The following TMEM236 variants were observed in gnomAD, a reference collection of about 807,000 sequenced individuals.
The protein encoded by TMEM236 is transmembrane protein 236.
In TMEM236, 11 loss-of-function variants were observed where a neutral mutation model predicts 14.7. The observed-to-expected ratio is 0.75, with a 90% CI of 0.47 to 1.24. The LOEUF (loss-of-function observed/expected upper bound fraction) is 1.24. Among genes scored for constraint, TMEM236 ranks in the 50% most tolerant of loss-of-function variants. The probability of loss-of-function intolerance (pLI) is 0.00; values close to 1 mark genes in which losing one functional copy is unlikely to be tolerated. For synonymous variants in TMEM236, 182 were observed against 168.6 expected, an observed-to-expected ratio of 1.08 and a Z score of -0.62; for missense variants, 464 against 427.3, an observed-to-expected ratio of 1.09 and a Z score of -0.76.
At chr10:17,762,942 C>G (rs1373408210) in intron 1 of TMEM236, among the ~76,000 whole-genome samples, 1 of 150,560 alleles carries the variant, frequency 6.6e-6, no homozygotes, top group African/African-American at 2.4e-5. Flanking sequence ...CATGAGCCAC[C>G]ATGCCCAGCC....
Position 17,799,685 on chromosome 10 carries a change from T to G in TMEM236, c.*3181T>G, listed in dbSNP as rs887023730. 5 of 152,666 alleles carry G rather than the reference T, an allele frequency of 3.3e-5. No individual in the cohort carries two copies. Among genetic ancestry groups the G allele is most frequent in the African/African-American group, 1.2e-4 (5 of 41,452 alleles). 9.5% of individuals were successfully genotyped at this position (152,666 alleles called of 1,614,324 possible). A position where few individuals can be genotyped will look rare whatever the true frequency, so the allele number is the denominator to read the frequency against. ...GTCATCAAGGGATTCATTTATGATATTCCTAAATATGAAAATATTTTGTGT... is the reference window on the plus strand; with the variant it reads ...GTCATCAAGGGATTCATTTATGATAGTCCTAAATATGAAAATATTTTGTGT... On this transcript the variant is annotated 3_prime_UTR_variant, in exon 4 of 4. Coordinates refer to ENST00000377495, the MANE Select transcript of TMEM236 (RefSeq NM_001098844.3).
intron 3 of TMEM236, among the ~76,000 whole-genome samples, chr10:17,790,561 A>G (rs1209388027): frequency 6.6e-6 from 1 of 152,236 alleles, no homozygotes; most frequent in Non-Finnish European, 1.5e-5. Flanking sequence ...AAATGAATAA[A>G]GAAATAAATA....
intron 3 of TMEM236, among the ~76,000 whole-genome samples, chr10:17,792,556 A>G (rs1255323521): frequency 1.3e-5 from 2 of 152,212 alleles, no homozygotes; most frequent in Non-Finnish European, 2.9e-5. Flanking sequence ...TAAATAAACA[A>G]CTAAGTAAAG....
rs541911082 is a variant in TMEM236 at position 17,799,817 on chromosome 10, T to C, written c.*3313T>C. ...TTTGTATCTAATATTTTAATATGAA[T>C]GTGCCTGATATTTTCGGAAGTCACA... On this transcript the variant is annotated 3_prime_UTR_variant, in exon 4 of 4. Transcript: ENST00000377495. 5.5e-5 allele frequency: 8 copies of C among 144,648 alleles called. No homozygotes were observed. The allele number at this position is 144,648 out of a possible 1,614,324, so 9.0% of individuals were successfully genotyped here. A position where few individuals can be genotyped will look rare whatever the true frequency, so the allele number is the denominator to read the frequency against.
Position 17,752,494 on chromosome 10 carries a change from G to A in TMEM236, c.199G>A (p.Val67Ile), listed in dbSNP as rs933719953. The change falls in exon 1 of 4, where the codon GTT (valine) becomes ATT (isoleucine). Residue 67 changes from valine (V) to isoleucine (I), a missense_variant. Transcript: ENST00000377495. Reference protein sequence around the residue: ...YVALVTLLIWVPVKVILHKKR... With the variant: ...YVALVTLLIWIPVKVILHKKR... ...TGCGTTAGTGACTCTACTGATCTGG[G>A]TTCCTGTAAAAGTTATCCTGCACAA... The A allele has an allele frequency of 1.9e-6, 3 of 1,613,802 alleles. No homozygotes were observed. Among genetic ancestry groups the A allele is most frequent in the African/African-American group, 2.7e-5 (2 of 74,898 alleles).
chr10:17,795,954 T>C lies in TMEM236; in HGVS notation c.506T>C (p.Leu169Ser). Residue 169 changes from leucine to serine, a missense_variant, in exon 4 of 4, where the codon TTG (leucine) becomes TCG (serine). Physicochemically the swap from Leu to Ser is moderately radical, Grantham distance 145 (BLOSUM62 -2). Transcript: ENST00000377495. ...AATGGACACATCCATTCAACCTCTT[T>C]GCAACACATAAAAACTGTGACGGAG... is the stretch of plus-strand genomic sequence containing the variant. ...SENGHIHSTS[L>S]QHIKTVTEQV... The C allele has an allele frequency of 1.9e-6, 3 of 1,613,956 alleles. No individual in the cohort carries two copies. The highest frequency in any genetic ancestry group is 1.1e-5 in the South Asian group (1 of 91,076).
intron 3 of TMEM236, among the ~76,000 whole-genome samples, chr10:17,783,553 A>G (rs950913843): frequency 1.3e-5 from 2 of 152,142 alleles, no homozygotes; most frequent in Admixed American, 6.5e-5. Flanking sequence ...CAGAAACTTG[A>G]GTCAGTGCCT....
intron 1 of TMEM236, among the ~76,000 whole-genome samples, chr10:17,766,451 C>T (rs1261981082): frequency 6.6e-6 from 1 of 152,194 alleles, no homozygotes; most frequent in Non-Finnish European, 1.5e-5. Flanking sequence ...AATGTATCTA[C>T]TCTCTAAGAT....
intron 1 of TMEM236, among the ~76,000 whole-genome samples, chr10:17,769,826 A>G (rs1837538625): frequency 6.6e-6 from 1 of 152,148 alleles, no homozygotes; most frequent in Non-Finnish European, 1.5e-5. Context: ...CTATTATTTT[A>G]TTCTTTATAA....
rs1837293395 is a variant in TMEM236, at chr10:17,756,987, C to T, written c.257+4435C>T. ...GTGATTTCTTTTGGGAAATACACTTCCAGTCTTTAGTTTCTGTTTTGCCGG... is the reference window on the plus strand; with the variant it reads ...GTGATTTCTTTTGGGAAATACACTTTCAGTCTTTAGTTTCTGTTTTGCCGG... On this transcript the variant is annotated intron_variant, in intron 1 of 3. Coordinates refer to ENST00000377495, the MANE Select transcript of TMEM236 (RefSeq NM_001098844.3). 2.0e-5 allele frequency among the ~76,000 whole-genome samples: 3 copies of T among 152,302 alleles called. No individual in the cohort carries two copies. In the South Asian group the frequency reaches 6.2e-4, roughly 32 times the overall value.
intron 2 of TMEM236, 126 bp downstream of exon 2, chr10:17,771,507 G>C: frequency 1.1e-6 from 1 of 921,122 alleles, no homozygotes; most frequent in South Asian, 1.4e-5. Flanking sequence ...CTTCTTCCAG[G>C]TTGCAATATA....
At chr10:17,759,721 C>A (rs1837328453) in intron 1 of TMEM236, among the ~76,000 whole-genome samples, 1 of 152,038 alleles carries the variant, frequency 6.6e-6, no homozygotes, top group Non-Finnish European at 1.5e-5. Context: ...GAGATTGAGG[C>A]ACAGGAGTTA....
chr10:17,776,577 TGTGTC>T (rs1837661261), intron 3 of TMEM236, among the ~76,000 whole-genome samples: 1 of 152,188 alleles, frequency 6.6e-6, no homozygotes, highest in Non-Finnish European at 1.5e-5. Flanking sequence ...CTGTGGTAGT[TGTGTC>T]CTAGATAATC....
At chr10:17,753,050 C>G in intron 1 of TMEM236, among the ~76,000 whole-genome samples, 1 of 152,018 alleles carries the variant, frequency 6.6e-6, no homozygotes, top group African/African-American at 2.4e-5. Context: ...CATGCACCAC[C>G]ATGCCCAGCT....
At chr10:17,765,643 T>A (rs932159429) in intron 1 of TMEM236, among the ~76,000 whole-genome samples, 2 of 152,198 alleles carry the variant, frequency 1.3e-5, no homozygotes, top group Non-Finnish European at 2.9e-5. Flanking sequence ...GTGGGTCCCA[T>A]GCAAGTTCAA....
intron 1 of TMEM236, 67 bp from the exon 2 acceptor site, chr10:17,771,242 G>C (rs782539340): frequency 8.2e-6 from 12 of 1,472,312 alleles, no homozygotes; most frequent in Admixed American, 3.3e-5. Context: ...TGCAAAATTA[G>C]CAAAATGTAA....
At chr10:17,792,431 A>C (rs1317400501) in intron 3 of TMEM236, among the ~76,000 whole-genome samples, 1 of 152,170 alleles carries the variant, frequency 6.6e-6, no homozygotes, top group African/African-American at 2.4e-5. Flanking sequence ...TTCTCTTTGC[A>C]AGAGAAATGA....
chr10:17,759,123 C>T (rs1837321332), intron 1 of TMEM236, among the ~76,000 whole-genome samples: 1 of 152,084 alleles, frequency 6.6e-6, no homozygotes. Flanking sequence ...GGGATGCCTG[C>T]CAGAATTCAT....
chr10:17,768,207 C>T (rs1460089324), intron 1 of TMEM236, among the ~76,000 whole-genome samples: 4 of 148,844 alleles, frequency 2.7e-5, no homozygotes, highest in Middle Eastern at 3.6e-3. Flanking sequence ...GAATTACAGG[C>T]ATGAGCCACC....
Sources: allele counts gnomAD v4.1 joint callset (sites outside exome capture counted in the v4.1 genomes callset), GRCh38; gene constraint gnomAD v4.1.1; transcripts MANE v1.5; gene names NCBI Gene and HGNC (gene_info 2026-07-23, HGNC 2026-07-21).